The following C1GALT1 variants were observed in gnomAD, a reference collection of about 807,000 sequenced individuals.
The protein encoded by C1GALT1 is glycoprotein-N-acetylgalactosamine 3-beta-galactosyltransferase 1.
In C1GALT1, 11 loss-of-function variants were observed where a neutral mutation model predicts 31.0. The ratio of observed to expected loss-of-function variants is 0.36; its 90% CI spans 0.22 to 0.59. The LOEUF (loss-of-function observed/expected upper bound fraction) is 0.59. C1GALT1 is among the 20% of genes least tolerant of loss of function. The pLI, the probability that C1GALT1 is intolerant of heterozygous loss-of-function variation, is 0.79. For missense variants in C1GALT1, 424 were observed against 425.2 expected, an observed-to-expected ratio of 1.00 and a Z score of 0.03; for synonymous variants, 175 against 143.6, an observed-to-expected ratio of 1.22 and a Z score of -1.56.
rs201165680 is a variant in C1GALT1 at position 7,206,688 on chromosome 7, AAAG to A, written c.-18+23873_-18+23875del. Among the ~76,000 whole-genome samples the A allele has an allele frequency of 3.8e-3, 570 of 149,724 alleles. 7 individuals are homozygous for A. The highest frequency in any genetic ancestry group is 0.013 in the African/African-American group (540 of 40,278). On this transcript the variant is annotated intron_variant, in intron 1 of 3. Coordinates refer to ENST00000436587, the MANE Select transcript of C1GALT1 (RefSeq NM_020156.5). ...CAAAACTCCGTCTCAAAAAAAAAAA[AAAG>A]AAGAGAATGTCTCAGCTTTTGTTTT...
chr7:7,198,828 G>A (rs1223658298), intron 1 of C1GALT1, among the ~76,000 whole-genome samples: 1 of 152,180 alleles, frequency 6.6e-6, no homozygotes, highest in Non-Finnish European at 1.5e-5. Flanking sequence ...GCATCAAGGT[G>A]TTTATAGTAT....
intron 1 of C1GALT1, among the ~76,000 whole-genome samples, chr7:7,201,937 A>G (rs547740900): frequency 5.9e-5 from 9 of 152,324 alleles, no homozygotes; most frequent in South Asian, 4.1e-4. Flanking sequence ...TCTTTCCCCA[A>G]TTCCACTGGC....
Position 7,237,145 on chromosome 7 carries a change from G to GTTTTA in C1GALT1, c.221-1105_221-1101dup, listed in dbSNP as rs558080337. 2.2e-3 allele frequency among the ~76,000 whole-genome samples: 336 copies of GTTTTA among 152,258 alleles called. 2 individuals carry two copies. The highest frequency in any genetic ancestry group is 4.7e-3 in the Admixed American group (72 of 15,294). ...AATTTAGGACTTGTTTTATATTTTA[G>GTTTTA]TTTTATTTTTCTTATAATTCATTTT... On this transcript the variant is annotated intron_variant, in intron 2 of 3. Transcript: ENST00000436587.
At chr7:7,216,665 T>G (rs1782258739) in intron 1 of C1GALT1, among the ~76,000 whole-genome samples, 1 of 152,178 alleles carries the variant, frequency 6.6e-6, no homozygotes, top group African/African-American at 2.4e-5. Context: ...CCTTACTAAT[T>G]AAGTACTATC....
chr7:7,206,755 AT>A (rs112861661), intron 1 of C1GALT1, among the ~76,000 whole-genome samples: 6,098 of 144,746 alleles, frequency 0.042, 263 homozygotes, highest in African/African-American at 0.12. Context: ...CATGGTTGGC[AT>A]TTTTTTTTTT....
chr7:7,209,323 G>C (rs1351990351), intron 1 of C1GALT1: 1 of 152,004 alleles, frequency 6.6e-6, no homozygotes, highest in Non-Finnish European at 1.5e-5. Flanking sequence ...TGGTTTTTTT[G>C]GACAGCATTT....
At chr7:7,180,152 C>T (rs1780554140), upstream of C1GALT1, among the ~76,000 whole-genome samples, 1 of 152,182 alleles carries the variant, frequency 6.6e-6, no homozygotes, top group Non-Finnish European at 1.5e-5. Flanking sequence ...AAACACTAGA[C>T]ACAAGAGAAA....
At chr7:7,197,256 A>T (rs1209060464) in intron 1 of C1GALT1, among the ~76,000 whole-genome samples, 3 of 150,980 alleles carry the variant, frequency 2.0e-5, no homozygotes, top group African/African-American at 7.4e-5. Context: ...AGCTTTCTAC[A>T]TATGGCTAGC....
chr7:7,157,770 T>C (rs1780288736), intron 2 of C1GALT1, among the ~76,000 whole-genome samples: 1 of 152,322 alleles, frequency 6.6e-6, no homozygotes, highest in South Asian at 2.1e-4. Flanking sequence ...ACTTCAAATT[T>C]CAGTTTCTTC....
chr7:7,238,652 C>T lies in C1GALT1; in HGVS notation c.618C>T (p.Tyr206=). 4 of 1,614,058 alleles carry T rather than the reference C, an allele frequency of 2.5e-6. 1 individual carries two copies. The South Asian group carries it at 4.4e-5, about 18-fold the overall frequency. The change falls in exon 3 of 4, where the codon TAC becomes TAT. Residue 206 remains tyrosine (Y), a synonymous_variant. Transcript: ENST00000436587. The surrounding 1 kb of genome is among the most constrained non-coding windows in gnomAD (Gnocchi z 5.2). ...TTAAGCCTTATGTAAAGCAGGGCTACATGAGTGGAGGAGCAGGATATGTAC... is the reference window on the plus strand; with the variant it reads ...TTAAGCCTTATGTAAAGCAGGGCTATATGAGTGGAGGAGCAGGATATGTAC... The part of the protein sequence containing the change: ...RRFKPYVKQG[Y]MSGGAGYVLS...
rs989685827 is a variant in C1GALT1 at position 7,209,815 on chromosome 7, G to A, written c.-17-24488G>A. On this transcript the variant is annotated intron_variant, in intron 1 of 3. Transcript: ENST00000436587. ...TATTTCACCTGGGTGCAGGCGGGCT[G>A]AGTGCGAAAGGAGAGTCAGCGAAGG... Among the ~76,000 whole-genome samples, 10 of 152,206 alleles carry A rather than the reference G, an allele frequency of 6.6e-5. No homozygotes were observed. The South Asian group carries it at 2.1e-3, about 32-fold the overall frequency.
chr7:7,197,528 C>G (rs866714211), intron 1 of C1GALT1, among the ~76,000 whole-genome samples: 1 of 152,258 alleles, frequency 6.6e-6, no homozygotes, highest in Middle Eastern at 3.4e-3. Flanking sequence ...AATGCGGGCT[C>G]TTTTTTGGTT....
chr7:7,172,070 C>T (rs749774228), intron 2 of C1GALT1, among the ~76,000 whole-genome samples: 4 of 152,088 alleles, frequency 2.6e-5, no homozygotes, highest in Non-Finnish European at 5.9e-5. Context: ...CTTAACATGG[C>T]TTTGAATTGC....
At chr7:7,190,757 A>G (rs10952045) in intron 1 of C1GALT1, among the ~76,000 whole-genome samples, 107,145 of 151,832 alleles carry the variant, frequency 0.71, 38,653 homozygotes, top group East Asian at 0.95. Flanking sequence ...AAAATTGATC[A>G]GATCAGATTA....
chr7:7,189,809 C>A (rs141334045), intron 1 of C1GALT1, among the ~76,000 whole-genome samples: 2,232 of 152,052 alleles, frequency 0.015, 25 homozygotes, highest in Middle Eastern at 0.024. Flanking sequence ...GTTTTAATTC[C>A]ATTTTCTAAA....
At chr7:7,163,526 G>A (rs1780360534) in intron 2 of C1GALT1, among the ~76,000 whole-genome samples, 1 of 152,150 alleles carries the variant, frequency 6.6e-6, no homozygotes, top group East Asian at 1.9e-4. Context: ...AAGTCAAATT[G>A]TTCCTGTTTG....
intron 2 of C1GALT1, among the ~76,000 whole-genome samples, chr7:7,236,531 A>T (rs1783362176): frequency 6.6e-6 from 1 of 151,392 alleles, no homozygotes; most frequent in East Asian, 1.9e-4. Flanking sequence ...TTTATTTTTT[A>T]TTTTTTTTGA....
chr7:7,197,941 A>G (rs1442696466), intron 1 of C1GALT1, among the ~76,000 whole-genome samples: 1 of 152,190 alleles, frequency 6.6e-6, no homozygotes, highest in Non-Finnish European at 1.5e-5. Flanking sequence ...TTGGGCTGAG[A>G]CGATGGGGTT....
upstream of C1GALT1, among the ~76,000 whole-genome samples, chr7:7,181,192 A>ATTGCGGAAGGGTGGAAGGATG (rs1338173073): frequency 1.1e-4 from 12 of 109,104 alleles, no homozygotes; most frequent in Non-Finnish European, 2.0e-4. Context: ...ATGGCAAGAC[A>ATTGCGGAAGGGTGGAAGGATG]TTGCGGAAAG....
Sources: gnomAD v4.1 joint callset for allele counts (sites outside exome capture counted in the v4.1 genomes callset) on GRCh38, gnomAD v4.1.1 for gene constraint, Gnocchi (gnomAD v3.1) non-coding constraint, MANE v1.5 for transcripts, NCBI Gene and HGNC (gene_info 2026-07-23, HGNC 2026-07-21) for gene names.